The following KDM4B variants were observed in gnomAD, a reference collection of about 807,000 sequenced individuals.
KDM4B encodes lysine demethylase 4B.
KDM4B carries 32 observed loss-of-function variants against 125.2 expected under a neutral mutation model. The ratio of observed to expected loss-of-function variants is 0.26; its 90% CI spans 0.19 to 0.34. KDM4B has a LOEUF of 0.34. KDM4B is among the 10% of genes least tolerant of loss of function. The pLI is 1.00. For missense variants in KDM4B, 1,190 were observed against 1,577.7 expected, an observed-to-expected ratio of 0.75 and a Z score of 4.16; for synonymous variants, 721 against 677.9, an observed-to-expected ratio of 1.06 and a Z score of -0.99.
chr19:4,995,382 G>A (rs745515244), intron 1 of KDM4B, among the ~76,000 whole-genome samples: 5 of 151,970 alleles, frequency 3.3e-5, no homozygotes, highest in Non-Finnish European at 5.9e-5. Context: ...GGGTTCAAGC[G>A]ATTCTCCTGC....
intron 1 of KDM4B, among the ~76,000 whole-genome samples, chr19:5,002,509 A>G (rs1361319575): frequency 9.3e-6 from 1 of 107,892 alleles, no homozygotes; most frequent in Non-Finnish European, 1.9e-5. Context: ...CTTTCTTTTC[A>G]CTTTCTTTTT....
intron 2 of KDM4B, among the ~76,000 whole-genome samples, chr19:5,017,290 C>T (rs950821049): frequency 2.0e-5 from 3 of 152,224 alleles, no homozygotes; most frequent in South Asian, 2.1e-4. Flanking sequence ...GCTCTGGTCA[C>T]GTGGTTGGCA....
chr19:5,013,238 C>T (rs116995673), intron 1 of KDM4B, among the ~76,000 whole-genome samples: 113 of 152,264 alleles, frequency 7.4e-4, no homozygotes, highest in Non-Finnish European at 1.4e-3. Context: ...CGTCGTGCAG[C>T]GGGGGAGAGA....
chr19:5,042,835 G>A (rs953695565), intron 5 of KDM4B, among the ~76,000 whole-genome samples: 1 of 151,690 alleles, frequency 6.6e-6, no homozygotes, highest in Non-Finnish European at 1.5e-5. Context: ...CGCCGACACC[G>A]GGACCTGCAG....
chr19:5,032,585 C>T (rs772925216), intron 2 of KDM4B, among the ~76,000 whole-genome samples: 5 of 152,214 alleles, frequency 3.3e-5, no homozygotes, highest in African/African-American at 4.8e-5. Flanking sequence ...TCCGAGGCCC[C>T]GCTTAAAATT....
chr19:5,034,236 G>A (rs529072890), intron 3 of KDM4B, among the ~76,000 whole-genome samples: 2 of 152,358 alleles, frequency 1.3e-5, no homozygotes, highest in East Asian at 3.9e-4. Context: ...GCCTGTTCGA[G>A]CAGTGCTCAC....
intron 2 of KDM4B, among the ~76,000 whole-genome samples, chr19:5,023,612 CTT>C (rs1237462294): frequency 5.3e-5 from 8 of 152,176 alleles, no homozygotes; most frequent in Non-Finnish European, 1.0e-4. Flanking sequence ...CCGCATGGGG[CTT>C]CACCTGATGC....
At position 5,147,742 on chromosome 19, in the gene KDM4B, CA is replaced by C. The variant is rs35330966; in HGVS notation, c.3022-2596del. On this transcript the variant is annotated intron_variant, in intron 21 of 22. Coordinates refer to ENST00000159111, the MANE Select transcript of KDM4B (RefSeq NM_015015.3). ...CGGGTGATGAAACAAAGCCCTGTCT[CA>C]AAAAAAAAAAAAAAAAAAAGTCACA... 4.6e-3 allele frequency among the ~76,000 whole-genome samples: 371 copies of C among 80,942 alleles called. 2 individuals carry two copies. The highest frequency in any genetic ancestry group is 0.016 in the Middle Eastern group (2 of 128). 53.1% of individuals were successfully genotyped at this position (80,942 alleles called of 152,430 possible).
chr19:5,088,655 GCCCCCCCCCTC>G (rs1372992657), intron 9 of KDM4B, among the ~76,000 whole-genome samples: 1 of 98,038 alleles, frequency 1.0e-5, no homozygotes, highest in African/African-American at 3.6e-5. Flanking sequence ...GACAGGCCAG[GCCCCCCCCCTC>G]CCCCCCCCCG....
chr19:5,009,327 GA>G (rs2035660506), intron 1 of KDM4B, among the ~76,000 whole-genome samples: 1 of 152,180 alleles, frequency 6.6e-6, no homozygotes, highest in African/African-American at 2.4e-5. Flanking sequence ...GTTTCCCTAG[GA>G]TGCAGAGGTT....
In KDM4B at chr19:4,997,685, C is replaced by G. The variant is rs536462439; in HGVS notation, c.-108-18572C>G. Among the ~76,000 whole-genome samples, 1 of 152,118 alleles carries G rather than the reference C, an allele frequency of 6.6e-6. No individual in the cohort carries two copies. Among genetic ancestry groups the G allele is most frequent in the Non-Finnish European group, 1.5e-5 (1 of 68,012 alleles). ...GCACTCAGAGTCATCCCTGCCTCCT[C>G]GAGTTGGTGGGCTGGTCAGCCATGC... is the stretch of plus-strand genomic sequence containing the variant. On this transcript the variant is annotated intron_variant, in intron 1 of 22. Transcript: ENST00000159111. This position sits in a 1 kb window ranked among gnomAD's most constrained non-coding sequence, Gnocchi z 4.2.
At chr19:4,970,757 C>G (rs985236019) in intron 1 of KDM4B, among the ~76,000 whole-genome samples, 1 of 140,794 alleles carries the variant, frequency 7.1e-6, no homozygotes, top group African/African-American at 2.5e-5. Flanking sequence ...CAGTGGGCAT[C>G]CTCTCTCCGC....
intron 6 of KDM4B, among the ~76,000 whole-genome samples, chr19:5,059,742 G>A (rs953918614): frequency 5.9e-5 from 9 of 152,164 alleles, no homozygotes; most frequent in Admixed American, 1.3e-4. Context: ...AGGCTCAGTG[G>A]GTGCTGTGTG....
intron 6 of KDM4B, among the ~76,000 whole-genome samples, chr19:5,061,126 C>A (rs2037582715): frequency 6.6e-6 from 1 of 152,198 alleles, no homozygotes; most frequent in Admixed American, 6.5e-5. Flanking sequence ...GGCGGGCCAC[C>A]CATGGCCACC....
In KDM4B at chr19:5,078,404, C is replaced by T. The variant is rs16992787; in HGVS notation, c.780+934C>T. 10,886 of 152,202 alleles carry T rather than the reference C, an allele frequency of 0.072. 1,252 individuals are homozygous for T. The highest frequency in any genetic ancestry group is 0.24 in the African/African-American group (10,070 of 41,454). The allele number at this position is 152,202 out of a possible 1,614,324, so 9.4% of individuals were successfully genotyped here. A position where few individuals can be genotyped will look rare whatever the true frequency, so the allele number is the denominator to read the frequency against. ...ACCGCCAAAGCATCAGCTCACACAT[C>T]GGGGATCCGCTCTTCCTGGCGGGGC... On this transcript the variant is annotated intron_variant, in intron 8 of 22. Coordinates refer to ENST00000159111, the MANE Select transcript of KDM4B (RefSeq NM_015015.3). The surrounding 1 kb of genome is among the most constrained non-coding windows in gnomAD (Gnocchi z 4.5).
chr19:5,138,074 G>A lies in KDM4B; in HGVS notation c.2550+4G>A. 2 of 1,608,004 alleles carry A rather than the reference G, an allele frequency of 1.2e-6. No individual in the cohort carries two copies. The highest frequency in any genetic ancestry group is 1.7e-6 in the Non-Finnish European group (2 of 1,177,448). ...CCCCGAGCAGCGGTGGAAGCTGGTA[G>A]GTCCTTGCGGTCGAGGCCCACCCTG... On this transcript the variant is annotated splice_donor_region_variant and intron_variant, in intron 18 of 22. Coordinates refer to ENST00000159111, the MANE Select transcript of KDM4B (RefSeq NM_015015.3).
chr19:4,977,469 TC>T (rs560329548), intron 1 of KDM4B, among the ~76,000 whole-genome samples: 4 of 152,062 alleles, frequency 2.6e-5, no homozygotes, highest in Non-Finnish European at 5.9e-5. Context: ...TGGCAGGATT[TC>T]CCCCTGCATA....
chr19:5,085,267 C>T (rs1195200682), intron 9 of KDM4B, among the ~76,000 whole-genome samples: 1 of 152,152 alleles, frequency 6.6e-6, no homozygotes, highest in Non-Finnish European at 1.5e-5. Context: ...AAGAGAGATC[C>T]AGAAGTTGGG....
intron 21 of KDM4B, among the ~76,000 whole-genome samples, 188 bp downstream of exon 21, chr19:5,145,090 CTTGT>C (rs1010128265): frequency 2.6e-5 from 4 of 152,264 alleles, no homozygotes; most frequent in Non-Finnish European, 2.9e-5. Flanking sequence ...AAGCACAGGG[CTTGT>C]TTGTTTTCAA....
Sources: gnomAD v4.1 joint callset for allele counts (sites outside exome capture counted in the v4.1 genomes callset) on GRCh38, gnomAD v4.1.1 for gene constraint, Gnocchi (gnomAD v3.1) non-coding constraint, MANE v1.5 for transcripts, NCBI Gene and HGNC (gene_info 2026-07-23, HGNC 2026-07-21) for gene names.